Variants in SV2C observed in about 807,000 individuals in gnomAD.
The protein encoded by SV2C is synaptic vesicle glycoprotein 2C, also known as solute carrier family 22 member B3.
In SV2C, 49 loss-of-function variants were observed where a neutral mutation model predicts 79.7. The ratio of observed to expected loss-of-function variants is 0.61; its 90% confidence interval spans 0.49 to 0.78. SV2C has a LOEUF of 0.78. Ranked by LOEUF, SV2C falls within the 30% of genes least tolerant of loss-of-function variation. SV2C has a pLI of 0.00. For synonymous variants in SV2C, 334 were observed against 333.2 expected, an observed-to-expected ratio of 1.00 and a Z score of -0.03; for missense variants, 833 against 912.9, an observed-to-expected ratio of 0.91 and a Z score of 1.13.
chr5:76,341,733 T>C (rs932348637), intron 12 of SV2C, among the ~76,000 whole-genome samples: 4 of 152,116 alleles, frequency 2.6e-5, no homozygotes. Flanking sequence ...CACTAAATCA[T>C]AGCCGCTGTG....
the SV2C span, among the ~76,000 whole-genome samples, chr5:75,915,129 G>A: frequency 2.0e-5 from 3 of 152,132 alleles, no homozygotes; most frequent in African/African-American, 4.8e-5. Context: ...GGAATTGTGG[G>A]AGTCACAATT....
chr5:76,010,361 G>C, the SV2C span, among the ~76,000 whole-genome samples: 2 of 152,044 alleles, frequency 1.3e-5, no homozygotes, highest in African/African-American at 4.8e-5. Flanking sequence ...AATTATGTAT[G>C]GTATTGCTTG....
At chr5:75,889,161 T>C in the SV2C span, among the ~76,000 whole-genome samples, 1 of 152,128 alleles carries the variant, frequency 6.6e-6, no homozygotes, top group African/African-American at 2.4e-5. Context: ...TAGGTATACA[T>C]GTGGCATGGT....
chr5:75,910,963 TCC>T, the SV2C span: 2 of 910,766 alleles, frequency 2.2e-6, no homozygotes, highest in Non-Finnish European at 3.6e-6. Flanking sequence ...TAGTCATTTA[TCC>T]CCCAGTTCGA....
At chr5:75,914,814 T>C in the SV2C span, among the ~76,000 whole-genome samples, 5 of 152,218 alleles carry the variant, frequency 3.3e-5, no homozygotes, top group Non-Finnish European at 5.9e-5. Context: ...GATAATGCTA[T>C]CCCCATTTTT....
At chr5:75,984,598 C>CCTACCTATCTATCTAT in the SV2C span, among the ~76,000 whole-genome samples, 14 of 82,514 alleles carry the variant, frequency 1.7e-4, no homozygotes, top group African/African-American at 5.6e-4. Context: ...TATCTATCTA[C>CCTACCTATCTATCTAT]CTATCTATCT....
At chr5:76,257,464 A>G (rs1042239407) in intron 4 of SV2C, among the ~76,000 whole-genome samples, 3 of 118,882 alleles carry the variant, frequency 2.5e-5, no homozygotes, top group African/African-American at 8.1e-5. Flanking sequence ...AGTGTGGGGG[A>G]TAGCGGTGTG....
At chr5:76,301,233 T>G (rs1040039037) in intron 11 of SV2C, among the ~76,000 whole-genome samples, 153 bp from the exon 12 acceptor site, 7 of 152,202 alleles carry the variant, frequency 4.6e-5, no homozygotes, top group Non-Finnish European at 1.0e-4. Context: ...AGCCTTTCAT[T>G]CAGGTGAATG....
At chr5:76,057,546 T>C in the SV2C span, among the ~76,000 whole-genome samples, 1 of 152,172 alleles carries the variant, frequency 6.6e-6, no homozygotes. Context: ...ATTAGCTTTA[T>C]AATATAACTG....
At chr5:75,998,141 T>G in the SV2C span, among the ~76,000 whole-genome samples, 1 of 151,426 alleles carries the variant, frequency 6.6e-6, no homozygotes, top group African/African-American at 2.4e-5. Context: ...AATTGAACAA[T>G]GAGAACACAT....
chr5:76,220,042 A>C (rs1745022335), intron 4 of SV2C, among the ~76,000 whole-genome samples: 1 of 152,210 alleles, frequency 6.6e-6, no homozygotes, highest in Non-Finnish European at 1.5e-5. Flanking sequence ...TCCTATGCTG[A>C]TAGCACTGCA....
At chr5:76,305,575 G>T (rs1264776860) in intron 12 of SV2C, among the ~76,000 whole-genome samples, 1 of 151,946 alleles carries the variant, frequency 6.6e-6, no homozygotes, top group Non-Finnish European at 1.5e-5. Context: ...ATCTTGATTT[G>T]CCCCCTCTTA....
chr5:76,093,435 C>T (rs998313327), intron 1 of SV2C, among the ~76,000 whole-genome samples: 2 of 152,182 alleles, frequency 1.3e-5, no homozygotes, highest in Non-Finnish European at 2.9e-5. Flanking sequence ...GAGAAAAGAG[C>T]CCCTAATTAA....
At chr5:75,908,468 G>A in the SV2C span, among the ~76,000 whole-genome samples, 1 of 152,154 alleles carries the variant, frequency 6.6e-6, no homozygotes, top group Non-Finnish European at 1.5e-5. Flanking sequence ...TCATCAGTCA[G>A]GGACATTTGG....
At chr5:75,884,825 TAGAAAA>T in the SV2C span, among the ~76,000 whole-genome samples, 6 of 151,990 alleles carry the variant, frequency 3.9e-5, no homozygotes, top group East Asian at 1.2e-3. Context: ...AAAATTAAAA[TAGAAAA>T]AGAAAAAACC....
At chr5:75,901,367 C>T in the SV2C span, among the ~76,000 whole-genome samples, 2 of 152,294 alleles carry the variant, frequency 1.3e-5, no homozygotes, top group African/African-American at 4.8e-5. Flanking sequence ...CTGTGTTTGC[C>T]TGGGTATCAG....
intron 2 of SV2C, among the ~76,000 whole-genome samples, chr5:76,165,662 C>T (rs1442284283): frequency 1.3e-5 from 2 of 151,838 alleles, no homozygotes; most frequent in Admixed American, 6.6e-5. Flanking sequence ...TGACACCCAT[C>T]GGTTGTTATG....
chr5:76,279,254 G>A (rs958689741), intron 4 of SV2C, among the ~76,000 whole-genome samples: 2 of 152,198 alleles, frequency 1.3e-5, no homozygotes, highest in Non-Finnish European at 2.9e-5. Context: ...TAGGCAGGTC[G>A]AGGTATATTT....
At chr5:76,339,710 T>C (rs1048809214) in intron 12 of SV2C, among the ~76,000 whole-genome samples, 1 of 142,948 alleles carries the variant, frequency 7.0e-6, no homozygotes. Flanking sequence ...TGAGACTCTG[T>C]CTCAAAAAAA....
Sources: allele counts gnomAD v4.1 joint callset (sites outside exome capture counted in the v4.1 genomes callset), GRCh38; gene constraint gnomAD v4.1.1; transcripts MANE v1.5; gene names NCBI Gene and HGNC (gene_info 2026-07-23, HGNC 2026-07-21).